The following ABHD17B variants were observed in gnomAD, a reference collection of about 807,000 sequenced individuals.
ABHD17B encodes abhydrolase domain containing 17B, depalmitoylase.
In ABHD17B, 9 loss-of-function variants were observed where a neutral mutation model predicts 26.2. That is an observed-to-expected ratio of 0.34 (90% CI 0.21 to 0.60). The LOEUF is 0.60. Ranked by LOEUF, ABHD17B falls within the 20% of genes least tolerant of loss-of-function variation. ABHD17B has a pLI of 0.80. For synonymous variants in ABHD17B, 127 were observed against 122.3 expected (o/e 1.04, Z -0.25); for missense variants, 224 against 352.1 (o/e 0.64, Z 2.91).
chr9:71,867,077 TCAGA>T (rs1401521450), intron 3 of ABHD17B, 71 bp from the exon 4 acceptor site: 23 of 1,499,214 alleles, frequency 1.5e-5, no homozygotes, highest in Non-Finnish European at 1.7e-5. Context: ...TTGTGCTATA[TCAGA>T]CAGATAATTC....
At chr9:71,898,203 G>A (rs1827014639) in intron 1 of ABHD17B, among the ~76,000 whole-genome samples, 1 of 152,076 alleles carries the variant, frequency 6.6e-6, no homozygotes. Flanking sequence ...TCAAGAATTA[G>A]GAAAGCCTTT....
In ABHD17B at chr9:71,865,949, T is replaced by G. The variant is rs1825945842; in HGVS notation, c.*838A>C. 1.0e-6 allele frequency: 1 copy of G among 985,384 alleles called. No homozygotes were observed. The highest frequency in any genetic ancestry group is 1.7e-5 in the African/African-American group (1 of 57,360). 61.0% of individuals were successfully genotyped at this position (985,384 alleles called of 1,614,324 possible). A position where few individuals can be genotyped will look rare whatever the true frequency, so the allele number is the denominator to read the frequency against. On this transcript the variant is annotated 3_prime_UTR_variant, in exon 4 of 4. Coordinates refer to ENST00000333421, the MANE Select transcript of ABHD17B (RefSeq NM_001025780.3). ...AGATCAACTCATGGACTTTCGGGAT[T>G]TCATACAATGAAGACTACTGCAATT...
At chr9:71,889,817 T>C (rs771659271) in intron 1 of ABHD17B, among the ~76,000 whole-genome samples, 17 of 152,138 alleles carry the variant, frequency 1.1e-4, no homozygotes, top group Non-Finnish European at 1.9e-4. Context: ...AAAACTTCTT[T>C]AGTCTCTTCC....
chr9:71,904,681 G>A lies in ABHD17B; in HGVS notation c.-4+5953C>T, dbSNP rs376698194. Reference sequence around the variant, plus strand: ...AATGTGAGACACAGATGAAACATAAGAATCAGAGTACACTAAAGTAGTAGT... The same window carrying A: ...AATGTGAGACACAGATGAAACATAAAAATCAGAGTACACTAAAGTAGTAGT... On this transcript the variant is annotated intron_variant, in intron 1 of 3. Transcript: ENST00000333421. 9.9e-5 allele frequency among the ~76,000 whole-genome samples: 15 copies of A among 152,168 alleles called. 1 individual carries two copies. The highest frequency in any genetic ancestry group is 5.2e-4 in the Admixed American group (8 of 15,274).
intron 1 of ABHD17B, among the ~76,000 whole-genome samples, chr9:71,907,561 G>C (rs545393811): frequency 1.3e-5 from 2 of 152,158 alleles, no homozygotes; most frequent in South Asian, 4.1e-4. Context: ...GCCCACGCTG[G>C]AGTGCAATGG....
chr9:71,863,576 A>T (rs912590229), downstream of ABHD17B, among the ~76,000 whole-genome samples: 1 of 152,220 alleles, frequency 6.6e-6, no homozygotes, highest in Non-Finnish European at 1.5e-5. Context: ...CTTTTCATTT[A>T]AATCTGGAAT....
chr9:71,863,588 T>G (rs1825880544), downstream of ABHD17B, among the ~76,000 whole-genome samples: 1 of 152,206 alleles, frequency 6.6e-6, no homozygotes, highest in Non-Finnish European at 1.5e-5. Context: ...ATCTGGAATT[T>G]CTTCTGTGAC....
rs974132843 is a variant in ABHD17B, at chr9:71,881,898, C to CA, written c.-3-6816dup. Among the ~76,000 whole-genome samples the CA allele has an allele frequency of 1.6e-3, 192 of 120,014 alleles. 3 individuals carry two copies. Among genetic ancestry groups the CA allele is most frequent in the East Asian group, 0.011 (48 of 4,236 alleles). 78.7% of individuals were successfully genotyped at this position (120,014 alleles called of 152,430 possible). ...AAGACTCCCGTCTCAAAAAACAAAC[C>CA]AAAAAAAAAAGGAAAAAAAAAAACA... On this transcript the variant is annotated intron_variant, in intron 1 of 3. Transcript: ENST00000333421.
At chr9:71,865,142 T>C, downstream of ABHD17B, 1 of 985,228 alleles carries the variant, frequency 1.0e-6, no homozygotes, top group Non-Finnish European at 1.2e-6. Flanking sequence ...AAAAGGCAAA[T>C]AAGCACAGGT....
chr9:71,864,263 A>G (rs1825898272), downstream of ABHD17B, among the ~76,000 whole-genome samples: 1 of 109,776 alleles, frequency 9.1e-6, no homozygotes, highest in Non-Finnish European at 1.7e-5. Flanking sequence ...TCTGTCACCC[A>G]GGCTGGAGTG....
At chr9:71,873,622 A>G (rs1484110825) in intron 2 of ABHD17B, among the ~76,000 whole-genome samples, 9 of 151,700 alleles carry the variant, frequency 5.9e-5, no homozygotes, top group African/African-American at 2.2e-4. Flanking sequence ...GGTCTCGAAT[A>G]CCTGACCTCG....
chr9:71,883,959 G>A (rs1564066761), intron 1 of ABHD17B, among the ~76,000 whole-genome samples: 2 of 151,794 alleles, frequency 1.3e-5, no homozygotes, highest in African/African-American at 4.8e-5. Flanking sequence ...AAAGAGAAAA[G>A]ATAAATGTCC....
chr9:71,879,577 C>A lies in ABHD17B; in HGVS notation c.-3-4494G>T, dbSNP rs572890272. On this transcript the variant is annotated intron_variant, in intron 1 of 3. Transcript: ENST00000333421. ...AAAGTCTAGCTTTAAATATTAGTGT[C>A]CAACTTAAGAAGAGAGTAAACAAAA... Among the ~76,000 whole-genome samples, 193 of 152,092 alleles carry A rather than the reference C, an allele frequency of 1.3e-3. 2 individuals carry two copies. The highest frequency in any genetic ancestry group is 3.4e-3 in the Middle Eastern group (1 of 294).
At chr9:71,906,851 TAA>T (rs146370575) in intron 1 of ABHD17B, among the ~76,000 whole-genome samples, 1,833 of 152,018 alleles carry the variant, frequency 0.012, 32 homozygotes, top group African/African-American at 0.042. Context: ...ATCAGTAGGT[TAA>T]AGTCTGATGC....
At chr9:71,906,136 G>C (rs1679086798) in intron 1 of ABHD17B, among the ~76,000 whole-genome samples, 1 of 152,112 alleles carries the variant, frequency 6.6e-6, no homozygotes, top group African/African-American at 2.4e-5. Flanking sequence ...GACATTCATA[G>C]AGGGGAACAG....
intron 1 of ABHD17B, chr9:71,902,366 C>T (rs1287477270): frequency 6.6e-6 from 1 of 152,098 alleles, no homozygotes; most frequent in Non-Finnish European, 1.5e-5. Context: ...ATCAGAACGC[C>T]CTTTATATAT....
At chr9:71,897,613 C>A (rs1826996674) in intron 1 of ABHD17B, among the ~76,000 whole-genome samples, 1 of 152,188 alleles carries the variant, frequency 6.6e-6, no homozygotes, top group Non-Finnish European at 1.5e-5. Context: ...ATCCCTTTTC[C>A]ATATACTATA....
intron 1 of ABHD17B, among the ~76,000 whole-genome samples, chr9:71,909,350 C>T (rs946719732): frequency 6.6e-6 from 1 of 152,186 alleles, no homozygotes; most frequent in Non-Finnish European, 1.5e-5. Flanking sequence ...TTAAGTAACA[C>T]GACCCCTATT....
chr9:71,870,769 G>A (rs1421891322), intron 2 of ABHD17B, among the ~76,000 whole-genome samples: 1 of 152,124 alleles, frequency 6.6e-6, no homozygotes, highest in Non-Finnish European at 1.5e-5. Flanking sequence ...TATGGTTTTA[G>A]TAAAGGGCAA....
Sources: gnomAD v4.1 joint callset for allele counts (sites outside exome capture counted in the v4.1 genomes callset) on GRCh38, gnomAD v4.1.1 for gene constraint, MANE v1.5 for transcripts, NCBI Gene and HGNC (gene_info 2026-07-23, HGNC 2026-07-21) for gene names.